The following HCN1 variants were observed in gnomAD, a reference collection of about 807,000 sequenced individuals.
HCN1 encodes the protein potassium/sodium hyperpolarization-activated cyclic nucleotide-gated channel 1.
In HCN1, 13 loss-of-function variants were observed where a neutral mutation model predicts 78.9. That is an observed-to-expected ratio of 0.16 (90% confidence interval 0.11 to 0.26). HCN1 has a LOEUF of 0.26. Among genes scored for constraint, HCN1 ranks in the 10% least tolerant of loss-of-function variants. The pLI, the probability that HCN1 is intolerant of heterozygous loss-of-function variation, is 1.00. For synonymous variants in HCN1, 552 were observed against 455.5 expected, an observed-to-expected ratio of 1.21 and a Z score of -2.70; for missense variants, 810 against 1,154.3, an observed-to-expected ratio of 0.70 and a Z score of 4.32.
At chr5:45,367,347 T>C (rs1001824236) in intron 4 of HCN1, among the ~76,000 whole-genome samples, 13 of 151,840 alleles carry the variant, frequency 8.6e-5, no homozygotes, top group African/African-American at 2.9e-4. Context: ...TACACACATA[T>C]ATGTATGTAT....
At chr5:45,546,483 C>T (rs930457059) in intron 2 of HCN1, among the ~76,000 whole-genome samples, 4 of 151,784 alleles carry the variant, frequency 2.6e-5, no homozygotes, top group South Asian at 2.1e-4. Context: ...AGTGACTTTC[C>T]GGACACAGCT....
intron 3 of HCN1, among the ~76,000 whole-genome samples, chr5:45,422,054 C>T (rs1740239669): frequency 6.6e-6 from 1 of 152,144 alleles, no homozygotes. Flanking sequence ...ACCTATCTTC[C>T]CTGAAATATA....
chr5:45,583,542 CTTAG>C (rs749352104), intron 2 of HCN1, among the ~76,000 whole-genome samples: 4 of 152,066 alleles, frequency 2.6e-5, no homozygotes, highest in African/African-American at 4.8e-5. Flanking sequence ...CTGCTATGAT[CTTAG>C]TTATTTATTG....
At chr5:45,499,402 C>A (rs1481647136) in intron 2 of HCN1, among the ~76,000 whole-genome samples, 4 of 152,310 alleles carry the variant, frequency 2.6e-5, no homozygotes, top group Admixed American at 2.6e-4. Context: ...AACTCCCTGA[C>A]CCCTTGCACT....
intron 2 of HCN1, among the ~76,000 whole-genome samples, chr5:45,602,171 C>A: frequency 6.6e-6 from 1 of 152,092 alleles, no homozygotes; most frequent in East Asian, 1.9e-4. Context: ...TTATAACTTA[C>A]CCAGTCTCAG....
chr5:45,443,202 G>A (rs1740717947), intron 3 of HCN1, among the ~76,000 whole-genome samples: 1 of 151,940 alleles, frequency 6.6e-6, no homozygotes, highest in Non-Finnish European at 1.5e-5. Context: ...CTACGAAGAG[G>A]CATATACAGG....
rs34217584 is a variant in HCN1, at chr5:45,459,401, C to CAA, written c.1011+2443_1011+2444dup. Among the ~76,000 whole-genome samples the CAA allele has an allele frequency of 5.6e-3, 623 of 111,604 alleles. 20 individuals carry two copies. In the East Asian group the frequency reaches 0.13, roughly 23 times the overall value. The allele number at this position is 111,604 out of a possible 152,430, so 73.2% of individuals were successfully genotyped here. A position where few individuals can be genotyped will look rare whatever the true frequency, so the allele number is the denominator to read the frequency against. On this transcript the variant is annotated intron_variant, in intron 3 of 7. Transcript: ENST00000303230. The stretch of plus-strand genomic sequence containing the variant: ...CCAACTTCATATGTAAATCTGCAGC[C>CAA]AAAAAAAAAAAAAAGCCAAGAAGTG...
At chr5:45,516,684 T>C (rs1229065957) in intron 2 of HCN1, among the ~76,000 whole-genome samples, 1 of 151,928 alleles carries the variant, frequency 6.6e-6, no homozygotes, top group Admixed American at 6.6e-5. Context: ...TAGTCCACCA[T>C]AGAAAAATTT....
At chr5:45,486,933 T>A (rs1052010602) in intron 2 of HCN1, among the ~76,000 whole-genome samples, 11 of 152,114 alleles carry the variant, frequency 7.2e-5, no homozygotes, top group African/African-American at 2.7e-4. Context: ...AATTAGATGT[T>A]CACAATTATC....
At chr5:45,598,054 G>GA (rs1243221815) in intron 2 of HCN1, among the ~76,000 whole-genome samples, 1 of 151,912 alleles carries the variant, frequency 6.6e-6, no homozygotes, top group East Asian at 1.9e-4. Context: ...CACAGAATTG[G>GA]AAAAAAACTA....
At chr5:45,305,010 G>A (rs541228068) in intron 5 of HCN1, among the ~76,000 whole-genome samples, 5 of 152,228 alleles carry the variant, frequency 3.3e-5, no homozygotes, top group Non-Finnish European at 5.9e-5. Context: ...TTGCCACAAA[G>A]CCAATTCTCA....
chr5:45,537,279 T>C (rs1397725953), intron 2 of HCN1, among the ~76,000 whole-genome samples: 2 of 152,146 alleles, frequency 1.3e-5, no homozygotes, highest in East Asian at 3.8e-4. Flanking sequence ...TTTCTTTCAG[T>C]TTATATGATA....
intron 6 of HCN1, among the ~76,000 whole-genome samples, chr5:45,276,317 C>T (rs919985529): frequency 6.6e-6 from 1 of 152,064 alleles, no homozygotes; most frequent in South Asian, 2.1e-4. Context: ...AGAATGGATT[C>T]ATTAGTGCAG....
intron 3 of HCN1, among the ~76,000 whole-genome samples, chr5:45,430,951 G>A (rs148981039): frequency 0.01 from 1,579 of 152,102 alleles, 25 homozygotes; most frequent in African/African-American, 0.036. Context: ...TATTCCTTTG[G>A]GTATATACCC....
chr5:45,469,166 T>C (rs1467139147), intron 2 of HCN1, among the ~76,000 whole-genome samples: 1 of 151,968 alleles, frequency 6.6e-6, no homozygotes, highest in Non-Finnish European at 1.5e-5. Flanking sequence ...CTTAAGTTCC[T>C]TAGGAAAAGA....
chr5:45,334,761 T>A (rs781419252), intron 5 of HCN1, among the ~76,000 whole-genome samples: 4 of 151,974 alleles, frequency 2.6e-5, no homozygotes, highest in African/African-American at 4.8e-5. Context: ...CCAAATCAGA[T>A]CCTTTACATA....
intron 3 of HCN1, among the ~76,000 whole-genome samples, chr5:45,449,879 C>A (rs934032965): frequency 2.6e-5 from 4 of 152,138 alleles, no homozygotes; most frequent in African/African-American, 9.7e-5. Context: ...ACTCTGTCCC[C>A]CAGGCTGGAG....
At chr5:45,363,924 G>A (rs1747177823) in intron 4 of HCN1, among the ~76,000 whole-genome samples, 1 of 151,862 alleles carries the variant, frequency 6.6e-6, no homozygotes, top group African/African-American at 2.4e-5. Context: ...CGTAAAAATG[G>A]GCTAATACAC....
intron 2 of HCN1, chr5:45,574,441 A>G (rs2111908375): frequency 6.6e-6 from 1 of 152,220 alleles, no homozygotes; most frequent in African/African-American, 2.4e-5. Context: ...AACTTCATCA[A>G]TAAGTGTGTG....
Sources: allele counts gnomAD v4.1 joint callset (sites outside exome capture counted in the v4.1 genomes callset), GRCh38; gene constraint gnomAD v4.1.1; transcripts MANE v1.5; gene names NCBI Gene and HGNC (gene_info 2026-07-23, HGNC 2026-07-21).